Variants in ZNF236 observed in about 807,000 individuals in gnomAD.
ZNF236 encodes zinc finger protein 236.
ZNF236 carries 50 observed loss-of-function variants against 191.2 expected under a neutral mutation model. That is an observed-to-expected ratio of 0.26 (90% CI 0.21 to 0.33). ZNF236 has a LOEUF of 0.33. Ranked by LOEUF, ZNF236 falls within the 10% of genes least tolerant of loss-of-function variation. The probability of loss-of-function intolerance (pLI) is 1.00; values close to 1 mark genes in which losing one functional copy is unlikely to be tolerated. For missense variants in ZNF236, 1,754 were observed against 2,374.5 expected, an observed-to-expected ratio of 0.74 and a Z score of 5.43; for synonymous variants, 907 against 928.8, an observed-to-expected ratio of 0.98 and a Z score of 0.43.
At chr18:76,845,960 C>T (rs887310564) in intron 1 of ZNF236, among the ~76,000 whole-genome samples, 5 of 152,194 alleles carry the variant, frequency 3.3e-5, no homozygotes, top group African/African-American at 1.2e-4. Context: ...TTGATGACCT[C>T]TGTGGCTGCA....
intron 22 of ZNF236, among the ~76,000 whole-genome samples, chr18:76,926,504 C>T (rs1168318032): frequency 3.3e-5 from 5 of 149,320 alleles, no homozygotes; most frequent in Middle Eastern, 3.6e-3. Flanking sequence ...AGTATATGTG[C>T]GTATATGGTA....
intron 1 of ZNF236, among the ~76,000 whole-genome samples, chr18:76,827,937 T>G (rs1021255074): frequency 2.6e-5 from 4 of 152,216 alleles, no homozygotes; most frequent in African/African-American, 9.6e-5. Flanking sequence ...AAATTTTTCT[T>G]TTTAGCTTGC....
At chr18:76,958,665 C>G (rs185017809) in intron 28 of ZNF236, among the ~76,000 whole-genome samples, 1 of 152,328 alleles carries the variant, frequency 6.6e-6, no homozygotes, top group African/African-American at 2.4e-5. Context: ...GGAATGCACT[C>G]TAGCTGTTGA....
rs1968906369 is a variant in ZNF236, at chr18:76,971,361, A to G, written c.*3022A>G. On this transcript the variant is annotated 3_prime_UTR_variant, in exon 31 of 31. Coordinates refer to ENST00000320610, the MANE Select transcript of ZNF236 (RefSeq NM_001306089.2). ...ATCTAAATAGAGGAAATGCTATGAC[A>G]TGGCATCTGACAGCTTGCAGCCAGG... 6.6e-6 allele frequency among the ~76,000 whole-genome samples: 1 copy of G among 152,220 alleles called. No individual in the cohort carries two copies. Among genetic ancestry groups the G allele is most frequent in the Non-Finnish European group, 1.5e-5 (1 of 68,040 alleles).
At chr18:76,879,416 G>C (rs960067049) in intron 7 of ZNF236, among the ~76,000 whole-genome samples, 1 of 152,164 alleles carries the variant, frequency 6.6e-6, no homozygotes, top group African/African-American at 2.4e-5. Context: ...TGTTACAACT[G>C]GTGAACGAAT....
chr18:76,932,624 C>G (rs1251133643), intron 25 of ZNF236, among the ~76,000 whole-genome samples: 1 of 152,170 alleles, frequency 6.6e-6, no homozygotes, highest in Non-Finnish European at 1.5e-5. Context: ...TGGATTCATG[C>G]CCTGCTGGCC....
At chr18:76,954,113 C>G (rs1033461429) in intron 27 of ZNF236, among the ~76,000 whole-genome samples, 2 of 152,174 alleles carry the variant, frequency 1.3e-5, no homozygotes, top group Non-Finnish European at 2.9e-5. Context: ...ATAATTCAGT[C>G]TCTAGATATG....
At chr18:76,949,900 G>A (rs1012461514) in intron 27 of ZNF236, among the ~76,000 whole-genome samples, 4 of 151,812 alleles carry the variant, frequency 2.6e-5, no homozygotes, top group African/African-American at 7.3e-5. Context: ...TCAAGTGATC[G>A]CCCACCTCAG....
intron 1 of ZNF236, among the ~76,000 whole-genome samples, chr18:76,846,516 A>G (rs1017494057): frequency 6.6e-6 from 1 of 152,230 alleles, no homozygotes; most frequent in Non-Finnish European, 1.5e-5. Flanking sequence ...GCCCCTAGGT[A>G]GAGCAAGAGT....
intron 1 of ZNF236, among the ~76,000 whole-genome samples, chr18:76,828,602 C>T (rs2122378846): frequency 6.6e-6 from 1 of 152,356 alleles, no homozygotes; most frequent in South Asian, 2.1e-4. Context: ...TATCAGGTGT[C>T]TATCCAAGGA....
intron 10 of ZNF236, 51 bp from the exon 11 acceptor site, chr18:76,898,968 T>G: frequency 1.3e-3 from 1,840 of 1,424,666 alleles, no homozygotes; most frequent in Non-Finnish European, 1.7e-3. Flanking sequence ...CATTTGCTGT[T>G]GAGATGTAAT....
intron 3 of ZNF236, 144 bp downstream of exon 3, chr18:76,852,083 G>C (rs143341218): frequency 2.5e-5 from 19 of 767,114 alleles, no homozygotes; most frequent in Non-Finnish European, 3.6e-5. Flanking sequence ...GATTTGCCTT[G>C]ACACCAGTTG....
At chr18:76,849,744 C>A in intron 2 of ZNF236, 76 bp downstream of exon 2, 3 of 1,331,948 alleles carry the variant, frequency 2.3e-6, no homozygotes, top group Non-Finnish European at 2.0e-6. Flanking sequence ...CAAGTAAAAT[C>A]AAAACTTTTA....
intron 30 of ZNF236, among the ~76,000 whole-genome samples, chr18:76,966,743 G>C (rs189307261): frequency 5.1e-4 from 77 of 152,290 alleles, no homozygotes; most frequent in Non-Finnish European, 7.4e-4. Context: ...TCAGAGTATG[G>C]ATATTGGGGT....
intron 13 of ZNF236, among the ~76,000 whole-genome samples, chr18:76,905,626 G>A (rs1398561362): frequency 6.7e-6 from 1 of 149,248 alleles, no homozygotes; most frequent in Non-Finnish European, 1.5e-5. Context: ...TGAAGCATTA[G>A]CATTTTCATT....
At chr18:76,905,542 CAAG>C (rs751822566) in intron 13 of ZNF236, 127 bp downstream of exon 13, 6 of 817,766 alleles carry the variant, frequency 7.3e-6, no homozygotes, top group African/African-American at 4.1e-5. Flanking sequence ...TATATGGGCT[CAAG>C]AAAAAAAAAA....
chr18:76,826,249 T>C (rs1975015459), intron 1 of ZNF236, among the ~76,000 whole-genome samples: 1 of 151,678 alleles, frequency 6.6e-6, no homozygotes, highest in Non-Finnish European at 1.5e-5. Flanking sequence ...GTAACTGGTA[T>C]TACAGGCGTG....
chr18:76,895,064 C>T lies in ZNF236; in HGVS notation c.1469C>T (p.Ala490Val). The change falls in exon 10 of 31, where the codon GCC (alanine) becomes GTC (valine). Residue 490 changes from alanine to valine, a missense_variant. Ala to Val is a moderately conservative substitution (Grantham distance 64). Around this residue, in one of 5 missense-constraint regions of ZNF236, gnomAD observed 126 missense variants for 110.9 expected, o/e 1.14. Transcript: ENST00000320610. ...CGCTGGCATGTGTGTCCCTACTGCG[C>T]CAAGGAGTTCCGCAAGCCCAGCGAC... ...GVRWHVCPYC[A>V]KEFRKPSDLV... 1.2e-6 allele frequency: 2 copies of T among 1,611,784 alleles called. No homozygotes were observed. The highest frequency in any genetic ancestry group is 1.7e-6 in the Non-Finnish European group (2 of 1,180,010).
rs199929649 is a variant in ZNF236 at position 76,913,850 on chromosome 18, G to A, written c.3013G>A (p.Gly1005Ser). Reference sequence around the variant, plus strand: ...CTACAAGTGCAAGCTCTGTGGACGCGGCTTTGTTTCCTCTGGGGTCCTCAA... The same window carrying A: ...CTACAAGTGCAAGCTCTGTGGACGCAGCTTTGTTTCCTCTGGGGTCCTCAA... ...KPYKCKLCGRGFVSSGVLKSH... is the reference protein window; with the variant it reads ...KPYKCKLCGRSFVSSGVLKSH... Residue 1005 changes from glycine (G) to serine (S), a missense_variant, in exon 18 of 31, where the codon GGC becomes AGC. Physicochemically the swap from Gly to Ser is moderately conservative, Grantham distance 56. Coordinates refer to ENST00000320610, the MANE Select transcript of ZNF236 (RefSeq NM_001306089.2). 2.2e-4 allele frequency: 354 copies of A among 1,614,034 alleles called. No individual in the cohort carries two copies. The highest frequency in any genetic ancestry group is 6.6e-4 in the Middle Eastern group (4 of 6,082).
Sources: allele counts gnomAD v4.1 joint callset (sites outside exome capture counted in the v4.1 genomes callset), GRCh38; gene constraint gnomAD v4.1.1; regional missense constraint gnomAD v4.1.1; transcripts MANE v1.5; gene names NCBI Gene and HGNC (gene_info 2026-07-23, HGNC 2026-07-21).